The following PTPRT variants were observed in gnomAD, a reference collection of about 807,000 sequenced individuals.
PTPRT encodes protein tyrosine phosphatase receptor type T.
PTPRT carries 56 observed loss-of-function variants against 176.8 expected under a neutral mutation model. The ratio of observed to expected loss-of-function variants is 0.32; its 90% CI spans 0.26 to 0.40. PTPRT has a LOEUF of 0.40. Ranked by LOEUF, PTPRT falls within the 10% of genes least tolerant of loss-of-function variation. PTPRT has a pLI of 1.00. For missense variants in PTPRT, 1,540 were observed against 1,908.2 expected (o/e 0.81, Z 3.60); for synonymous variants, 783 against 739.0 (o/e 1.06, Z -0.96).
intron 5 of PTPRT, among the ~76,000 whole-genome samples, chr20:42,768,606 G>C (rs2077019027): frequency 6.6e-6 from 1 of 152,132 alleles, no homozygotes; most frequent in African/African-American, 2.4e-5. Flanking sequence ...TGCGGGCTCT[G>C]TGTGTGACCC....
chr20:42,045,009 T>C, the PTPRT span, among the ~76,000 whole-genome samples: 1 of 152,222 alleles, frequency 6.6e-6, no homozygotes, highest in Non-Finnish European at 1.5e-5. Context: ...TACACTACCA[T>C]CTCTGGTTCT....
At chr20:42,316,608 T>C (rs1196242626) in intron 11 of PTPRT, among the ~76,000 whole-genome samples, 1 of 152,228 alleles carries the variant, frequency 6.6e-6, no homozygotes, top group Non-Finnish European at 1.5e-5. Context: ...TTATACAATC[T>C]GAACTCCTAA....
intron 12 of PTPRT, among the ~76,000 whole-genome samples, chr20:42,307,160 C>G (rs2057555884): frequency 6.6e-6 from 1 of 152,176 alleles, no homozygotes; most frequent in Non-Finnish European, 1.5e-5. Flanking sequence ...AAGGCACTGC[C>G]TTATTCTTTC....
chr20:42,733,788 T>C lies in PTPRT; in HGVS notation c.859+22674A>G, dbSNP rs117947229. On this transcript the variant is annotated intron_variant, in intron 6 of 30. Coordinates refer to ENST00000373187, the MANE Select transcript of PTPRT (RefSeq NM_007050.6). ...TTCACAGGAAGCAGCATTCCATGGT[T>C]TGCACATTGGTCCTCTGGGCTCATA... Among the ~76,000 whole-genome samples, 613 of 152,354 alleles carry C rather than the reference T, an allele frequency of 4.0e-3. 19 individuals carry two copies. The highest frequency in any genetic ancestry group is 0.03 in the Admixed American group (463 of 15,312).
rs778217312 is a variant in PTPRT, at chr20:42,639,733, C to T, written c.1153+38133G>A. Reference sequence around the variant, plus strand: ...ATTTCAGGACACTAGGAGACACAAACCAATCAAAAGATTTCACATGCTCTT... The same window carrying T: ...ATTTCAGGACACTAGGAGACACAAATCAATCAAAAGATTTCACATGCTCTT... On this transcript the variant is annotated intron_variant, in intron 7 of 30. Coordinates refer to ENST00000373187, the MANE Select transcript of PTPRT (RefSeq NM_007050.6). 2.6e-5 allele frequency among the ~76,000 whole-genome samples: 4 copies of T among 152,194 alleles called. No individual in the cohort carries two copies. In the South Asian group the frequency reaches 8.3e-4, roughly 32 times the overall value.
At chr20:42,099,261 T>C (rs1985621482) in intron 26 of PTPRT, among the ~76,000 whole-genome samples, 1 of 152,078 alleles carries the variant, frequency 6.6e-6, no homozygotes, top group Non-Finnish European at 1.5e-5. Context: ...GGCAAGTTAT[T>C]AGATGATTCC....
chr20:42,143,732 T>C lies in PTPRT; in HGVS notation c.2683-1730A>G, dbSNP rs144381643. Among the ~76,000 whole-genome samples, 182 of 152,056 alleles carry C rather than the reference T, an allele frequency of 1.2e-3. 1 individual carries two copies. Among genetic ancestry groups the C allele is most frequent in the African/African-American group, 3.8e-3 (159 of 41,488 alleles). On this transcript the variant is annotated intron_variant, in intron 17 of 30. Transcript: ENST00000373187. ...TCAGAGATAACAAGTCAGGCACAAG[T>C]AGTTTGTTTGGGAGGCACTCCCAGG...
At chr20:42,312,824 T>C (rs1409840640) in intron 12 of PTPRT, among the ~76,000 whole-genome samples, 15 of 103,632 alleles carry the variant, frequency 1.4e-4, no homozygotes, top group East Asian at 5.1e-4. Flanking sequence ...TTTTTTTTTT[T>C]CCTCTATGGC....
At chr20:42,509,008 T>C (rs1407054070) in intron 7 of PTPRT, among the ~76,000 whole-genome samples, 2 of 112,686 alleles carry the variant, frequency 1.8e-5, no homozygotes, top group African/African-American at 7.0e-5. Context: ...ATATAAATTA[T>C]ATAATTTATA....
intron 10 of PTPRT, among the ~76,000 whole-genome samples, chr20:42,351,314 G>C (rs1023950914): frequency 6.6e-6 from 1 of 151,978 alleles, no homozygotes; most frequent in Non-Finnish European, 1.5e-5. Flanking sequence ...ACTTTATTTT[G>C]TAACATGTTT....
intron 2 of PTPRT, among the ~76,000 whole-genome samples, chr20:42,793,510 AT>A (rs1156731046): frequency 6.6e-6 from 1 of 152,158 alleles, no homozygotes; most frequent in Admixed American, 6.5e-5. Flanking sequence ...AAAAGTCATG[AT>A]TTCGGAAAAT....
chr20:42,747,785 A>C (rs186022516), intron 6 of PTPRT, among the ~76,000 whole-genome samples: 1 of 152,352 alleles, frequency 6.6e-6, no homozygotes, highest in Non-Finnish European at 1.5e-5. Flanking sequence ...GGCATTACAA[A>C]TCAAGGACTA....
chr20:42,072,731 T>A (rs920718939), downstream of PTPRT: 2 of 199,032 alleles, frequency 1.0e-5, no homozygotes, highest in African/African-American at 2.3e-5. Context: ...CTACCCAACC[T>A]CAGGAAGACA....
chr20:43,165,621 GA>G (rs1214285223), intron 1 of PTPRT, among the ~76,000 whole-genome samples: 7 of 152,166 alleles, frequency 4.6e-5, no homozygotes, highest in Non-Finnish European at 8.8e-5. Context: ...AGCAGTATGA[GA>G]ACAGACTAAC....
chr20:42,288,003 A>G (rs2057259300), intron 12 of PTPRT, among the ~76,000 whole-genome samples: 1 of 152,024 alleles, frequency 6.6e-6, no homozygotes, highest in Non-Finnish European at 1.5e-5. Context: ...AATAAAGCAA[A>G]GTACATTTTT....
At chr20:42,825,735 GA>G in intron 2 of PTPRT, among the ~76,000 whole-genome samples, 1 of 152,144 alleles carries the variant, frequency 6.6e-6, no homozygotes, top group African/African-American at 2.4e-5. Flanking sequence ...AGAGAATGGG[GA>G]AAAAAGTGAC....
intron 7 of PTPRT, among the ~76,000 whole-genome samples, chr20:42,577,923 CTGTGTG>C (rs777761268): frequency 0.023 from 2,564 of 111,282 alleles, 46 homozygotes; most frequent in African/African-American, 0.043. Context: ...CTGAGCGAGG[CTGTGTG>C]TGTGTGTGTG....
At chr20:43,052,146 C>T (rs4812668) in intron 1 of PTPRT, among the ~76,000 whole-genome samples, 1,983 of 152,298 alleles carry the variant, frequency 0.013, 121 homozygotes, top group Admixed American at 0.11. Context: ...CTGAAGACAG[C>T]CCAGGCTTTG....
chr20:42,148,818 T>C (rs1173133893), intron 17 of PTPRT, among the ~76,000 whole-genome samples: 1 of 152,190 alleles, frequency 6.6e-6, no homozygotes, highest in Non-Finnish European at 1.5e-5. Flanking sequence ...CCCCATATTC[T>C]GGTTAATATG....
Sources: allele counts gnomAD v4.1 joint callset (sites outside exome capture counted in the v4.1 genomes callset), GRCh38; gene constraint gnomAD v4.1.1; transcripts MANE v1.5; gene names NCBI Gene and HGNC (gene_info 2026-07-23, HGNC 2026-07-21).